The following LRFN2 variants were observed in gnomAD, a reference collection of about 807,000 sequenced individuals.
LRFN2 encodes the protein leucine rich repeat and fibronectin type III domain containing 2, also known as leucine-rich repeat and fibronectin type-III domain-containing protein 2.
In LRFN2, 18 loss-of-function variants were observed where a neutral mutation model predicts 37.3. The observed-to-expected ratio is 0.48, with a 90% confidence interval of 0.33 to 0.72. LRFN2 has a LOEUF of 0.72. LRFN2 is among the 30% of genes least tolerant of loss of function. The pLI is 0.02. For missense variants in LRFN2, 1,006 were observed against 1,060.7 expected (o/e 0.95, Z 0.72); for synonymous variants, 556 against 466.6 (o/e 1.19, Z -2.47).
chr6:40,453,188 G>C (rs971491073), intron 1 of LRFN2, among the ~76,000 whole-genome samples: 2 of 152,156 alleles, frequency 1.3e-5, no homozygotes, highest in Non-Finnish European at 2.9e-5. Flanking sequence ...GCAGGGAACT[G>C]TCACTCTAGA....
intron 2 of LRFN2, among the ~76,000 whole-genome samples, chr6:40,395,865 T>C (rs1445412547): frequency 6.6e-6 from 1 of 152,100 alleles, no homozygotes; most frequent in Non-Finnish European, 1.5e-5. Flanking sequence ...TGGGCCACAG[T>C]GATATAAGAG....
chr6:40,473,449 C>T (rs907058740), intron 1 of LRFN2, among the ~76,000 whole-genome samples: 1 of 152,188 alleles, frequency 6.6e-6, no homozygotes, highest in Non-Finnish European at 1.5e-5. Context: ...CACTCCCAGT[C>T]ATTGGGGGAA....
intron 1 of LRFN2, among the ~76,000 whole-genome samples, chr6:40,577,988 T>C (rs1386681324): frequency 2.0e-5 from 3 of 151,862 alleles, no homozygotes; most frequent in African/African-American, 7.3e-5. Context: ...CCAATCCAGG[T>C]TCCCCGTCCC....
rs867290426 is a variant in LRFN2, at chr6:40,432,629, T to C, written c.485A>G (p.His162Arg). 1.4e-5 allele frequency: 22 copies of C among 1,614,182 alleles called. No homozygotes were observed. In the Middle Eastern group the frequency reaches 3.6e-3, roughly 266 times the overall value. Residue 162 changes from histidine (H) to arginine (R), a missense_variant, in exon 2 of 3, where the codon CAT becomes CGT. Physicochemically the swap from His to Arg is conservative, Grantham distance 29. Coordinates refer to ENST00000338305, the MANE Select transcript of LRFN2 (RefSeq NM_020737.3). ...TCGCACGGAGTCCCACGGCAGGCCA[T>C]GGAGGTTGTTGTAGGAGAGGTCCAG... ...EDLDLSYNNL[H>R]GLPWDSVRRM...
chr6:40,558,076 G>A (rs529415391), intron 1 of LRFN2, among the ~76,000 whole-genome samples: 147 of 152,294 alleles, frequency 9.7e-4, no homozygotes, highest in African/African-American at 2.4e-3. Flanking sequence ...CTGACTCCAC[G>A]CACGTGAAGG....
chr6:40,533,147 TCTCTGC>T (rs1310862963), intron 1 of LRFN2, among the ~76,000 whole-genome samples: 1 of 151,646 alleles, frequency 6.6e-6, no homozygotes, highest in Non-Finnish European at 1.5e-5. Context: ...TGTCTCTATG[TCTCTGC>T]CTCTGTCTCT....
intron 1 of LRFN2, among the ~76,000 whole-genome samples, chr6:40,437,844 G>A (rs1320048151): frequency 1.3e-5 from 2 of 152,216 alleles, no homozygotes; most frequent in African/African-American, 4.8e-5. Context: ...TTAGGGTGGT[G>A]TAGGTGGTGG....
chr6:40,573,143 A>T (rs1235976683), intron 1 of LRFN2, among the ~76,000 whole-genome samples: 4 of 152,216 alleles, frequency 2.6e-5, no homozygotes, highest in Non-Finnish European at 4.4e-5. Flanking sequence ...ATCACTTACA[A>T]GCTGTGTGAC....
intron 1 of LRFN2, among the ~76,000 whole-genome samples, chr6:40,579,113 A>G (rs1486210734): frequency 6.6e-6 from 1 of 152,210 alleles, no homozygotes; most frequent in Non-Finnish European, 1.5e-5. Context: ...GATTGCAAGC[A>G]CAATCCCTGC....
At chr6:40,415,686 A>G (rs1763079036) in intron 2 of LRFN2, among the ~76,000 whole-genome samples, 1 of 152,150 alleles carries the variant, frequency 6.6e-6, no homozygotes, top group African/African-American at 2.4e-5. Context: ...TAGTTGTTTA[A>G]CGTTTGTCTG....
chr6:40,480,391 A>G (rs533176087), intron 1 of LRFN2, among the ~76,000 whole-genome samples: 3 of 152,040 alleles, frequency 2.0e-5, no homozygotes, highest in African/African-American at 7.2e-5. Context: ...TGATCCTCCC[A>G]CCTCAGCCTC....
chr6:40,555,973 C>G (rs892837910), intron 1 of LRFN2, among the ~76,000 whole-genome samples: 1 of 145,566 alleles, frequency 6.9e-6, no homozygotes, highest in African/African-American at 2.7e-5. Context: ...GAACAAGAGG[C>G]GTAATGAAGA....
Position 40,392,035 on chromosome 6 carries a change from TGACA to T in LRFN2, c.2274_2277del (p.Val759ThrfsTer25). 6.2e-7 allele frequency: 1 copy of T among 1,613,834 alleles called. No homozygotes were observed. The highest frequency in any genetic ancestry group is 8.5e-7 in the Non-Finnish European group (1 of 1,179,916). On this transcript the variant is annotated frameshift_variant, in exon 3 of 3. Transcript: ENST00000338305. LOFTEE classifies it high-confidence loss of function. This position sits in a 1 kb window ranked among gnomAD's most constrained non-coding sequence, Gnocchi z 4.7. ...TCCTCAAAGGGCAAGAGCATGCCGT[TGACA>T]GAGAGGCTGCGCTTCGTCCAGATGT...
At chr6:40,541,913 C>G (rs887910058) in intron 1 of LRFN2, among the ~76,000 whole-genome samples, 2 of 152,220 alleles carry the variant, frequency 1.3e-5, no homozygotes, top group African/African-American at 2.4e-5. Flanking sequence ...CTGCATCCAT[C>G]AGACACCATA....
At chr6:40,417,547 A>G (rs1384782148) in intron 2 of LRFN2, among the ~76,000 whole-genome samples, 1 of 152,178 alleles carries the variant, frequency 6.6e-6, no homozygotes, top group East Asian at 1.9e-4. Flanking sequence ...ATTACTCCCT[A>G]TCAGAGTACA....
chr6:40,575,393 A>T (rs1767260234), intron 1 of LRFN2, among the ~76,000 whole-genome samples: 2 of 152,100 alleles, frequency 1.3e-5, no homozygotes, highest in African/African-American at 4.8e-5. Context: ...GGAGGTCAGG[A>T]TGTCACCCTC....
rs548573728 is a variant in LRFN2 at position 40,459,181 on chromosome 6, G to A, written c.-18-26050C>T. ...CCTGGACTAGGCAGGCAGGTTGCAG[G>A]GCACTGAAGGGTGCCCTTTGGGTCT... On this transcript the variant is annotated intron_variant, in intron 1 of 2. Coordinates refer to ENST00000338305, the MANE Select transcript of LRFN2 (RefSeq NM_020737.3). Among the ~76,000 whole-genome samples, 11 of 152,286 alleles carry A rather than the reference G, an allele frequency of 7.2e-5. No individual in the cohort carries two copies. In the East Asian group the frequency reaches 1.7e-3, roughly 24 times the overall value.
At chr6:40,482,777 G>A (rs1764864488) in intron 1 of LRFN2, among the ~76,000 whole-genome samples, 1 of 152,120 alleles carries the variant, frequency 6.6e-6, no homozygotes, top group South Asian at 2.1e-4. Context: ...TCCTGGCCAG[G>A]CCAGCTTTCT....
At chr6:40,572,754 C>T (rs1767210435) in intron 1 of LRFN2, among the ~76,000 whole-genome samples, 2 of 152,188 alleles carry the variant, frequency 1.3e-5, no homozygotes, top group South Asian at 4.1e-4. Flanking sequence ...GTTTAATCCC[C>T]AGCTAGTGGA....
Sources: gnomAD v4.1 joint callset for allele counts (sites outside exome capture counted in the v4.1 genomes callset) on GRCh38, gnomAD v4.1.1 for gene constraint, Gnocchi (gnomAD v3.1) non-coding constraint, MANE v1.5 for transcripts, NCBI Gene and HGNC (gene_info 2026-07-23, HGNC 2026-07-21) for gene names.